The following ABTB2 variants were observed in gnomAD, a reference collection of about 807,000 sequenced individuals.
ABTB2 encodes ankyrin repeat and BTB domain containing 2.
A neutral mutation model predicts 104.1 loss-of-function variants in ABTB2; 56 were observed. The observed-to-expected ratio is 0.54, with a 90% CI of 0.43 to 0.67. The LOEUF (loss-of-function observed/expected upper bound fraction) is 0.67. Among genes scored for constraint, ABTB2 ranks in the 30% least tolerant of loss-of-function variants. The pLI is 0.00. For missense variants in ABTB2, 1,279 were observed against 1,407.7 expected (o/e 0.91, Z 1.46); for synonymous variants, 606 against 608.2 (o/e 1.00, Z 0.05).
At chr11:34,199,527 G>A (rs746341188) in intron 2 of ABTB2, among the ~76,000 whole-genome samples, 1 of 152,166 alleles carries the variant, frequency 6.6e-6, no homozygotes, top group Non-Finnish European at 1.5e-5. Context: ...GTCCACTCAG[G>A]TTTGAAAATC....
At chr11:34,190,276 A>C (rs1285767443) in intron 3 of ABTB2, among the ~76,000 whole-genome samples, 4 of 150,688 alleles carry the variant, frequency 2.7e-5, no homozygotes, top group African/African-American at 7.3e-5. Flanking sequence ...CCCCCCCAAA[A>C]AAAAAAAAAA....
intron 1 of ABTB2, among the ~76,000 whole-genome samples, chr11:34,290,222 G>C (rs759265538): frequency 2.6e-5 from 4 of 152,190 alleles, no homozygotes; most frequent in Non-Finnish European, 5.9e-5. Context: ...GATTACATTT[G>C]TATCAAAGTA....
intron 1 of ABTB2, among the ~76,000 whole-genome samples, chr11:34,312,655 T>A (rs1396253085): frequency 1.2e-4 from 19 of 152,332 alleles, no homozygotes; most frequent in Admixed American, 1.2e-3. Flanking sequence ...TCAGCTGGTC[T>A]AAGAGAAAAT....
chr11:34,290,578 C>T (rs550337276), intron 1 of ABTB2, among the ~76,000 whole-genome samples: 4 of 152,308 alleles, frequency 2.6e-5, no homozygotes, highest in African/African-American at 9.6e-5. Context: ...CTGTGGCTCA[C>T]ACCTGTAAAT....
chr11:34,260,828 C>G (rs887773379), intron 1 of ABTB2, among the ~76,000 whole-genome samples: 1 of 152,190 alleles, frequency 6.6e-6, no homozygotes, highest in Non-Finnish European at 1.5e-5. Context: ...TTCTTCCACC[C>G]TACTGTACAG....
At position 34,289,470 on chromosome 11, in the gene ABTB2, C is replaced by G. The variant is rs551112665; in HGVS notation, c.883+67231G>C. ...TCATGAAAACTCAATTATCATTATC[C>G]CATTCTCAAAGGTAGAAAATGAGGC... On this transcript the variant is annotated intron_variant, in intron 1 of 16. Coordinates refer to ENST00000435224, the MANE Select transcript of ABTB2 (RefSeq NM_145804.3). Among the ~76,000 whole-genome samples, 4 of 152,262 alleles carry G rather than the reference C, an allele frequency of 2.6e-5. No individual in the cohort carries two copies. The East Asian group carries it at 7.7e-4, about 29-fold the overall frequency.
chr11:34,154,772 G>A lies in ABTB2; in HGVS notation c.2698-3C>T. On this transcript the variant is annotated splice_region_variant and splice_polypyrimidine_tract_variant and intron_variant, in intron 14 of 16. Coordinates refer to ENST00000435224, the MANE Select transcript of ABTB2 (RefSeq NM_145804.3). This position sits in a 1 kb window ranked among gnomAD's most constrained non-coding sequence, Gnocchi z 4.9. ...TAGTACAGATACTGCATCATCATCT[G>A]TGGTGGGAAGAGGCCCATGTGAATG... 1 of 1,614,062 alleles carries A rather than the reference G, an allele frequency of 6.2e-7. No individual in the cohort carries two copies. The highest frequency in any genetic ancestry group is 1.1e-5 in the South Asian group (1 of 91,082).
intron 1 of ABTB2, among the ~76,000 whole-genome samples, chr11:34,339,267 A>G (rs1220871795): frequency 1.3e-5 from 2 of 152,104 alleles, no homozygotes; most frequent in African/African-American, 2.4e-5. Flanking sequence ...GTGCTTCAAG[A>G]TGTTTCTGCA....
Position 34,356,581 on chromosome 11 carries a change from C to G in ABTB2, c.883+120G>C. 1.5e-6 allele frequency: 2 copies of G among 1,340,370 alleles called. No homozygotes were observed. The highest frequency in any genetic ancestry group is 3.1e-5 in the South Asian group (2 of 65,086). 83.0% of individuals were successfully genotyped at this position (1,340,370 alleles called of 1,614,324 possible). A position where few individuals can be genotyped will look rare whatever the true frequency, so the allele number is the denominator to read the frequency against. ...TAATGAACCCTATCCTCAGACCAAACGTTTTCTCCCAAAGAACTGGCACAG... is the reference window on the plus strand; with the variant it reads ...TAATGAACCCTATCCTCAGACCAAAGGTTTTCTCCCAAAGAACTGGCACAG... On this transcript the variant is annotated intron_variant, in intron 1 of 16. Transcript: ENST00000435224. This position sits in a 1 kb window ranked among gnomAD's most constrained non-coding sequence, Gnocchi z 4.6.
chr11:34,289,447 A>G lies in ABTB2; in HGVS notation c.883+67254T>C, dbSNP rs116038601. Among the ~76,000 whole-genome samples the G allele has an allele frequency of 4.6e-3, 706 of 152,302 alleles. 6 individuals carry two copies. Among genetic ancestry groups the G allele is most frequent in the African/African-American group, 0.016 (682 of 41,560 alleles). On this transcript the variant is annotated intron_variant, in intron 1 of 16. Coordinates refer to ENST00000435224, the MANE Select transcript of ABTB2 (RefSeq NM_145804.3). ...GACCTACATTGTTTTATTTTATCTCATGAAAACTCAATTATCATTATCCCA... is the reference window on the plus strand; with the variant it reads ...GACCTACATTGTTTTATTTTATCTCGTGAAAACTCAATTATCATTATCCCA...
chr11:34,211,752 G>T (rs1468963842), intron 1 of ABTB2, among the ~76,000 whole-genome samples: 1 of 151,710 alleles, frequency 6.6e-6, no homozygotes, highest in Non-Finnish European at 1.5e-5. Context: ...AGTCAGGCAT[G>T]GTGGTGCACA....
chr11:34,308,880 A>AAAAAAAAAAAAAAAAAG (rs1260837172), intron 1 of ABTB2, among the ~76,000 whole-genome samples: 1 of 151,066 alleles, frequency 6.6e-6, no homozygotes, highest in African/African-American at 2.4e-5. Flanking sequence ...AAAAAAAAAA[A>AAAAAAAAAAAAAAAAAG]AAAAAAAGAA....
At chr11:34,238,110 A>G (rs1853868858) in intron 1 of ABTB2, among the ~76,000 whole-genome samples, 1 of 152,190 alleles carries the variant, frequency 6.6e-6, no homozygotes, top group African/African-American at 2.4e-5. Context: ...TCAAAGCCCT[A>G]TATTATCTCC....
rs576758720 is a variant in ABTB2, at chr11:34,330,704, G to T, written c.883+25997C>A. On this transcript the variant is annotated intron_variant, in intron 1 of 16. Transcript: ENST00000435224. ...GAGATAGTTGTCAATGAGGCATAGG[G>T]GTGCAAACCCCATGCTATAACTGTC... Among the ~76,000 whole-genome samples, 81 of 152,328 alleles carry T rather than the reference G, an allele frequency of 5.3e-4. 2 individuals carry two copies. Among genetic ancestry groups the T allele is most frequent in the African/African-American group, 1.9e-3 (80 of 41,566 alleles).
At chr11:34,182,362 G>A (rs1329882284) in intron 3 of ABTB2, among the ~76,000 whole-genome samples, 1 of 152,100 alleles carries the variant, frequency 6.6e-6, no homozygotes. Context: ...GGCAGAGTTG[G>A]GCATGGTTCC....
chr11:34,260,548 C>T (rs1854176495), intron 1 of ABTB2, among the ~76,000 whole-genome samples: 1 of 152,160 alleles, frequency 6.6e-6, no homozygotes, highest in African/African-American at 2.4e-5. Context: ...GGGATGTTGT[C>T]TAGAAACACA....
intron 3 of ABTB2, among the ~76,000 whole-genome samples, chr11:34,188,791 C>T (rs1853135797): frequency 6.6e-6 from 1 of 152,232 alleles, no homozygotes. Flanking sequence ...GAGCCCACTT[C>T]TTCAGACTGA....
chr11:34,153,823 A>T (rs1229650670), intron 16 of ABTB2, among the ~76,000 whole-genome samples: 1 of 152,204 alleles, frequency 6.6e-6, no homozygotes, highest in Non-Finnish European at 1.5e-5. Flanking sequence ...GGTGGCTTGC[A>T]TATGGGAGGG....
At chr11:34,202,081 G>A (rs1212376763) in intron 2 of ABTB2, among the ~76,000 whole-genome samples, 1 of 152,186 alleles carries the variant, frequency 6.6e-6, no homozygotes, top group Admixed American at 6.5e-5. Flanking sequence ...CCAATCTCAG[G>A]AAGCTGACTC....
Sources: allele counts gnomAD v4.1 joint callset (sites outside exome capture counted in the v4.1 genomes callset), GRCh38; gene constraint gnomAD v4.1.1; non-coding constraint Gnocchi (gnomAD v3.1); transcripts MANE v1.5; gene names NCBI Gene and HGNC (gene_info 2026-07-23, HGNC 2026-07-21).